Variants in GGTA1 observed in about 807,000 individuals in gnomAD.
GGTA1 encodes inactive N-acetyllactosaminide alpha-1,3-galactosyltransferase.
GGTA1 carries 5 observed loss-of-function variants against 2.6 expected under a neutral mutation model. The observed-to-expected ratio is 1.92, with a 90% CI of 1.00 to 4.04. The LOEUF (loss-of-function observed/expected upper bound fraction) is 4.04, where lower values mean the gene tolerates loss of function less well. GGTA1 is among the 30% of genes most tolerant of loss of function. GGTA1 has a pLI of 0.00. For missense variants in GGTA1, 50 were observed against 16.7 expected (o/e 2.99, Z -3.47); for synonymous variants, 17 against 5.0 (o/e 3.38, Z -3.19).
chr9:121,478,047 C>G (rs1259195359), intron 1 of GGTA1, among the ~76,000 whole-genome samples: 1 of 152,066 alleles, frequency 6.6e-6, no homozygotes, highest in Non-Finnish European at 1.5e-5. Flanking sequence ...TATTATTATC[C>G]CCATTTCACA....
At chr9:121,498,454 C>T (rs1829034975) in intron 1 of GGTA1, among the ~76,000 whole-genome samples, 1 of 152,230 alleles carries the variant, frequency 6.6e-6, no homozygotes, top group Non-Finnish European at 1.5e-5. Context: ...ACCCTGTCCT[C>T]CACACCCCCC....
At position 121,455,658 on chromosome 9, in the gene GGTA1, G is replaced by A; in HGVS notation, c.*179C>T. The A allele has an allele frequency of 3.6e-6, 1 of 280,278 alleles. No homozygotes were observed. The highest frequency in any genetic ancestry group is 3.7e-5 in the South Asian group (1 of 27,376). 17.4% of individuals were successfully genotyped at this position (280,278 alleles called of 1,614,324 possible). ...TTCCCAGTTCCCTGCTCTATACCAG[G>A]TCATCCTGCTAAGCGCTGAGATGGG... On this transcript the variant is annotated 3_prime_UTR_variant, in exon 6 of 6. Transcript: ENST00000481799.
intron 1 of GGTA1, among the ~76,000 whole-genome samples, chr9:121,493,241 T>A (rs1828908226): frequency 6.6e-6 from 1 of 151,960 alleles, no homozygotes; most frequent in Middle Eastern, 3.2e-3. Flanking sequence ...TCAGTCTGAG[T>A]AAAGCCAGGA....
At chr9:121,490,562 C>T (rs995494992) in intron 1 of GGTA1, among the ~76,000 whole-genome samples, 1 of 152,216 alleles carries the variant, frequency 6.6e-6, no homozygotes, top group South Asian at 2.1e-4. Flanking sequence ...GGATCCTCCC[C>T]AAGTCCATTC....
chr9:121,476,005 C>G lies in GGTA1; in HGVS notation c.-9-8074G>C, dbSNP rs1828500893. Among the ~76,000 whole-genome samples the G allele has an allele frequency of 6.6e-6, 1 of 152,152 alleles. No individual in the cohort carries two copies. ...TATACAAAATGGAGATTCTAACACC[C>G]TCCTCAAAGGGTTCTTGAAAGCATA... On this transcript the variant is annotated intron_variant, in intron 1 of 5. Coordinates refer to ENST00000481799, the MANE Select transcript of GGTA1 (RefSeq NM_001382585.1). The surrounding 1 kb of genome is among the most constrained non-coding windows in gnomAD (Gnocchi z 4.6).
intron 5 of GGTA1, among the ~76,000 whole-genome samples, chr9:121,457,688 G>A (rs1424840405): frequency 1.5e-5 from 2 of 129,100 alleles, no homozygotes; most frequent in African/African-American, 2.8e-5. Context: ...GCAACAAAGC[G>A]AGAATCCATC....
intron 1 of GGTA1, among the ~76,000 whole-genome samples, chr9:121,477,426 G>A (rs1036326141): frequency 1.4e-4 from 21 of 152,104 alleles, no homozygotes; most frequent in Middle Eastern, 3.4e-3. Flanking sequence ...AATCATTTTT[G>A]TATTAGTTTT....
rs879369140 is a variant in GGTA1 at position 121,473,990 on chromosome 9, A to AAAAG, written c.-9-6063_-9-6060dup. Reference sequence around the variant, plus strand: ...GAGGGAGGGAGAGAGAGAGAGAGAGAAAAGAAAGAAAGAAAGAAACAAGGA... The same window carrying AAAAG: ...GAGGGAGGGAGAGAGAGAGAGAGAGAAAAGAAAGAAAGAAAGAAAGAAACAAGGA... On this transcript the variant is annotated intron_variant, in intron 1 of 5. Coordinates refer to ENST00000481799, the MANE Select transcript of GGTA1 (RefSeq NM_001382585.1). Among the ~76,000 whole-genome samples, 52 of 151,710 alleles carry AAAAG rather than the reference A, an allele frequency of 3.4e-4. No individual in the cohort carries two copies. The Middle Eastern group carries it at 0.01, about 30-fold the overall frequency.
At chr9:121,480,180 C>T (rs940786838) in intron 1 of GGTA1, among the ~76,000 whole-genome samples, 4 of 152,016 alleles carry the variant, frequency 2.6e-5, no homozygotes, top group African/African-American at 9.7e-5. Context: ...CTCAGCCTCC[C>T]GAGTAGCTGG....
chr9:121,493,380 C>G (rs987935004), intron 1 of GGTA1, among the ~76,000 whole-genome samples: 6 of 152,066 alleles, frequency 3.9e-5, no homozygotes, highest in Admixed American at 3.9e-4. Flanking sequence ...GCTTTCATGC[C>G]TCAGTTCTGC....
At chr9:121,474,792 C>T (rs1232246664) in intron 1 of GGTA1, among the ~76,000 whole-genome samples, 3 of 151,712 alleles carry the variant, frequency 2.0e-5, no homozygotes, top group Non-Finnish European at 1.5e-5. Context: ...AGCAGGAATC[C>T]GGCAGGGTGA....
downstream of GGTA1, among the ~76,000 whole-genome samples, chr9:121,453,435 C>T (rs752372344): frequency 7.1e-6 from 1 of 141,024 alleles, no homozygotes; most frequent in Non-Finnish European, 1.6e-5. Flanking sequence ...AGCACAGAGC[C>T]GCAGGGGCCC....
intron 1 of GGTA1, among the ~76,000 whole-genome samples, chr9:121,470,738 C>G (rs552801705): frequency 6.6e-6 from 1 of 152,178 alleles, no homozygotes; most frequent in Non-Finnish European, 1.5e-5. Context: ...TAAATAATAG[C>G]CCTTCCCAAA....
At chr9:121,453,148 G>C (rs1026573821), downstream of GGTA1, among the ~76,000 whole-genome samples, 2 of 152,204 alleles carry the variant, frequency 1.3e-5, no homozygotes, top group Admixed American at 6.5e-5. Flanking sequence ...AGATTAAAGG[G>C]ATTCTGATGT....
intron 3 of GGTA1, among the ~76,000 whole-genome samples, chr9:121,462,441 A>G (rs374684759): frequency 5.3e-5 from 8 of 152,178 alleles, no homozygotes; most frequent in African/African-American, 1.9e-4. Context: ...ACTCATGAAC[A>G]GGCATAATAT....
exon 8 of GGTA1, chr9:121,445,445 T>C (rs2064848157): frequency 6.6e-6 from 1 of 152,192 alleles, no homozygotes; most frequent in African/African-American, 2.4e-5. Context: ...CATTGCAGTA[T>C]ACATCAGGCT....
chr9:121,477,262 G>T (rs950554584), intron 1 of GGTA1, among the ~76,000 whole-genome samples: 1 of 152,160 alleles, frequency 6.6e-6, no homozygotes, highest in Non-Finnish European at 1.5e-5. Context: ...GTAATAAAAA[G>T]CACCCATTGA....
chr9:121,466,953 C>CAAAAAAAAA (rs397894554), intron 2 of GGTA1, among the ~76,000 whole-genome samples: 2 of 99,968 alleles, frequency 2.0e-5, no homozygotes, highest in Non-Finnish European at 4.1e-5. Context: ...GACTCTGTCT[C>CAAAAAAAAA]AAAAAAAAAA....
intron 1 of GGTA1, among the ~76,000 whole-genome samples, chr9:121,473,972 G>GGAGA (rs141951986): frequency 6.0e-5 from 8 of 134,198 alleles, no homozygotes; most frequent in Admixed American, 2.3e-4. Context: ...AGGGAGGGAG[G>GGAGA]GAGAGAGAGA....
Sources: allele counts gnomAD v4.1 joint callset (sites outside exome capture counted in the v4.1 genomes callset), GRCh38; gene constraint gnomAD v4.1.1; non-coding constraint Gnocchi (gnomAD v3.1); transcripts MANE v1.5; gene names NCBI Gene and HGNC (gene_info 2026-07-23, HGNC 2026-07-21).